The following EXTL2 variants were observed in gnomAD, a reference collection of about 807,000 sequenced individuals.
EXTL2 encodes the protein exostosin like glycosyltransferase 2.
A neutral mutation model predicts 30.7 loss-of-function variants in EXTL2; 23 were observed. The ratio of observed to expected loss-of-function variants is 0.75; its 90% CI spans 0.54 to 1.06. The LOEUF (loss-of-function observed/expected upper bound fraction) is 1.06. Among genes scored for constraint, EXTL2 ranks in the 50% least tolerant of loss-of-function variants. The probability of loss-of-function intolerance (pLI) is 0.00; values close to 1 mark genes in which losing one functional copy is unlikely to be tolerated. For missense variants in EXTL2, 352 were observed against 396.3 expected (o/e 0.89, Z 0.95); for synonymous variants, 123 against 133.8 (o/e 0.92, Z 0.56).
intron 1 of EXTL2, among the ~76,000 whole-genome samples, chr1:100,891,767 A>C (rs748430684): frequency 6.6e-6 from 1 of 152,220 alleles, no homozygotes. Flanking sequence ...ATGGCTGGTA[A>C]TATTTAGAAT....
Position 100,874,045 on chromosome 1 carries a change from A to G in EXTL2, c.890T>C (p.Ile297Thr). 1 of 1,612,984 alleles carries G rather than the reference A, an allele frequency of 6.2e-7. No individual in the cohort carries two copies. The change falls in exon 5 of 5, where the codon ATA becomes ACA. Residue 297 changes from isoleucine to threonine, a missense_variant. Transcript: ENST00000370114. ...ATCATAGATATTAACAAGCTTATTT[A>G]TACAATAAGACCTCTGCAGAGCGTG... ...AEHALQRSYCINKLVNIYDSM... is the reference protein window; with the variant it reads ...AEHALQRSYCTNKLVNIYDSM...
At chr1:100,890,073 C>T (rs1650298893) in intron 1 of EXTL2, among the ~76,000 whole-genome samples, 4 of 152,254 alleles carry the variant, frequency 2.6e-5, no homozygotes, top group African/African-American at 9.6e-5. Context: ...TCCACCCCTG[C>T]AGCAAACTTC....
At chr1:100,880,808 A>T (rs756134025) in intron 2 of EXTL2, 75 of 213,536 alleles carry the variant, frequency 3.5e-4, no homozygotes, top group Non-Finnish European at 5.5e-4. Context: ...GCTGAGTAGG[A>T]ATAGCACATT....
rs1050715145 is a variant in EXTL2, at chr1:100,884,632, G to C, written c.5+4121C>G. 6.6e-5 allele frequency among the ~76,000 whole-genome samples: 10 copies of C among 152,148 alleles called. 1 individual carries two copies. The highest frequency in any genetic ancestry group is 1.0e-4 in the Non-Finnish European group (7 of 68,030). On this transcript the variant is annotated intron_variant, in intron 2 of 4. Transcript: ENST00000370114. ...AGCCGATCCACGACTCCATGTATTG[G>C]TACATGCTATTTTCTCTACTTCCAA...
At chr1:100,891,769 A>G (rs1319513704) in intron 1 of EXTL2, among the ~76,000 whole-genome samples, 7 of 152,232 alleles carry the variant, frequency 4.6e-5, no homozygotes, top group Non-Finnish European at 1.0e-4. Flanking sequence ...GGCTGGTAAT[A>G]TTTAGAATTC....
At position 100,874,083 on chromosome 1, in the gene EXTL2, C is replaced by T. The variant is rs752173398; in HGVS notation, c.852G>A (p.Trp284Ter). 19 of 1,612,990 alleles carry T rather than the reference C, an allele frequency of 1.2e-5. No individual in the cohort carries two copies. In the South Asian group the frequency reaches 2.0e-4, roughly 17 times the overall value. The change falls in exon 5 of 5, where the codon TGG becomes TGA. Residue 284 changes from tryptophan to a stop codon, truncating the protein, a stop_gained. Coordinates refer to ENST00000370114, the MANE Select transcript of EXTL2 (RefSeq NM_001033025.3). LOFTEE classifies it high-confidence loss of function. ...KETNSGYSGMWHRAEHALQRS... is the reference protein window; with the variant it reads ...KETNSGYSGM The stretch of plus-strand genomic sequence containing the variant: ...TCTGCAGAGCGTGCTCAGCTCGATG[C>T]CACATTCCAGAATAGCCACTGTTGG...
intron 2 of EXTL2, among the ~76,000 whole-genome samples, chr1:100,882,124 G>T (rs1049488140): frequency 3.3e-5 from 5 of 152,176 alleles, no homozygotes; most frequent in Non-Finnish European, 7.3e-5. Flanking sequence ...TGGAAAAATT[G>T]TCTTCCACAA....
At chr1:100,878,036 A>G (rs950064413) in intron 2 of EXTL2, 133 bp from the exon 3 acceptor site, 1 of 712,558 alleles carries the variant, frequency 1.4e-6, no homozygotes, top group Non-Finnish European at 2.3e-6. Context: ...CTTCCTCCTC[A>G]ATAAGGTAAT....
At chr1:100,881,487 C>A (rs941310855) in intron 2 of EXTL2, among the ~76,000 whole-genome samples, 6 of 152,184 alleles carry the variant, frequency 3.9e-5, no homozygotes, top group African/African-American at 1.4e-4. Context: ...CACCTCAGTT[C>A]TCTTGCCCTC....
chr1:100,887,992 C>T (rs1381088107), intron 2 of EXTL2, among the ~76,000 whole-genome samples: 1 of 152,232 alleles, frequency 6.6e-6, no homozygotes, highest in East Asian at 1.9e-4. Context: ...GCCACCGCGC[C>T]CTGCCCGCCA....
In EXTL2 at chr1:100,873,929, GTTTGT is replaced by G. The variant is rs1648888683; in HGVS notation, c.*8_*12del. 6 of 1,542,960 alleles carry G rather than the reference GTTTGT, an allele frequency of 3.9e-6. No homozygotes were observed. The East Asian group carries it at 9.0e-5, about 23-fold the overall frequency. On this transcript the variant is annotated 3_prime_UTR_variant, in exon 5 of 5. Coordinates refer to ENST00000370114, the MANE Select transcript of EXTL2 (RefSeq NM_001033025.3). ...CCAAGCAGTTTTCAGGTTTGTTTTT[GTTTGT>G]TTTACTTTTATATTTTTCTTTTGTA...
chr1:100,892,796 T>G (rs1650534680), intron 1 of EXTL2, among the ~76,000 whole-genome samples: 1 of 152,232 alleles, frequency 6.6e-6, no homozygotes, highest in Non-Finnish European at 1.5e-5. Flanking sequence ...TAGATTTATA[T>G]GAATTTGTAT....
chr1:100,879,625 C>G (rs970580263), intron 2 of EXTL2, among the ~76,000 whole-genome samples: 1 of 152,162 alleles, frequency 6.6e-6, no homozygotes, highest in African/African-American at 2.4e-5. Flanking sequence ...AACAGTTACT[C>G]TCATCTATTG....
At position 100,874,239 on chromosome 1, in the gene EXTL2, A is replaced by C. The variant is rs1467072239; in HGVS notation, c.696T>G (p.Ala232=). Residue 232 remains alanine, a synonymous_variant, in exon 5 of 5, where the codon GCT becomes GCG. Coordinates refer to ENST00000370114, the MANE Select transcript of EXTL2 (RefSeq NM_001033025.3). ...GAGTATCATCTATCAAAGCATGGACAGCTGCAGGTTGCCTCTGAAATAATT... is the reference window on the plus strand; with the variant it reads ...GAGTATCATCTATCAAAGCATGGACCGCTGCAGGTTGCCTCTGAAATAATT... ...YLELFQRQPA[A]VHALIDDTQN... is the part of the protein sequence containing the mutation. 6.2e-7 allele frequency: 1 copy of C among 1,612,816 alleles called. No homozygotes were observed. The highest frequency in any genetic ancestry group is 8.5e-7 in the Non-Finnish European group (1 of 1,179,424).
Position 100,873,900 on chromosome 1 carries a change from A to G in EXTL2, c.*42T>C. ...ATACATAGCATGGAGAAGCTACTCAAATGCCAAGCAGTTTTCAGGTTTGTT... is the reference window on the plus strand; with the variant it reads ...ATACATAGCATGGAGAAGCTACTCAGATGCCAAGCAGTTTTCAGGTTTGTT... On this transcript the variant is annotated 3_prime_UTR_variant, in exon 5 of 5. Coordinates refer to ENST00000370114, the MANE Select transcript of EXTL2 (RefSeq NM_001033025.3). 6.6e-7 allele frequency: 1 copy of G among 1,519,168 alleles called. No individual in the cohort carries two copies. Among genetic ancestry groups the G allele is most frequent in the Middle Eastern group, 1.8e-4 (1 of 5,602 alleles). 94.1% of individuals were successfully genotyped at this position (1,519,168 alleles called of 1,614,324 possible). A position where few individuals can be genotyped will look rare whatever the true frequency, so the allele number is the denominator to read the frequency against.
At position 100,873,880 on chromosome 1, in the gene EXTL2, T is replaced by A. The variant is rs774333579; in HGVS notation, c.*62A>T. ...TCATGATGTTGCTTAAAAAAATACATAGCATGGAGAAGCTACTCAAATGCC... is the reference window on the plus strand; with the variant it reads ...TCATGATGTTGCTTAAAAAAATACAAAGCATGGAGAAGCTACTCAAATGCC... On this transcript the variant is annotated 3_prime_UTR_variant, in exon 5 of 5. Transcript: ENST00000370114. 4.7e-6 allele frequency: 7 copies of A among 1,481,872 alleles called. No homozygotes were observed. Among genetic ancestry groups the A allele is most frequent in the Non-Finnish European group, 6.3e-6 (7 of 1,107,976 alleles). The allele number at this position is 1,481,872 out of a possible 1,614,324, so 91.8% of individuals were successfully genotyped here.
chr1:100,880,843 T>A (rs1372260750), intron 2 of EXTL2: 5 of 450,450 alleles, frequency 1.1e-5, no homozygotes, highest in Non-Finnish European at 1.5e-5. Context: ...GAAGTGTTTC[T>A]GATCTCTAGA....
intron 4 of EXTL2, among the ~76,000 whole-genome samples, chr1:100,875,229 GGACAC>G (rs1257529214): frequency 1.5e-5 from 1 of 65,906 alleles, no homozygotes; most frequent in African/African-American, 6.7e-5. Context: ...GCAGAACTAG[GGACAC>G]ACACACACAC....
At chr1:100,878,931 C>T (rs2100927904) in intron 2 of EXTL2, among the ~76,000 whole-genome samples, 1 of 152,132 alleles carries the variant, frequency 6.6e-6, no homozygotes. Context: ...TCTCACAGTA[C>T]AAATCACAAG....
Sources: allele counts gnomAD v4.1 joint callset (sites outside exome capture counted in the v4.1 genomes callset), GRCh38; gene constraint gnomAD v4.1.1; transcripts MANE v1.5; gene names NCBI Gene and HGNC (gene_info 2026-07-23, HGNC 2026-07-21).